Variants in NRIP3 observed in about 807,000 individuals in gnomAD.
NRIP3 encodes the protein nuclear receptor-interacting protein 3.
Under a neutral mutation model 29.0 loss-of-function variants are expected in NRIP3, and 31 were observed. The observed-to-expected ratio is 1.07, with a 90% CI of 0.80 to 1.44. The LOEUF (loss-of-function observed/expected upper bound fraction) is 1.44, where lower values mean the gene tolerates loss of function less well. Ranked by LOEUF, NRIP3 falls within the 40% of genes most tolerant of loss-of-function variation. NRIP3 has a pLI of 0.00. For missense variants in NRIP3, 314 were observed against 297.9 expected (o/e 1.05, Z -0.40); for synonymous variants, 131 against 118.3 (o/e 1.11, Z -0.70).
At chr11:9,002,620 G>GAAAAAAAAAAAAAAAAAA (rs1555232137) in intron 1 of NRIP3, among the ~76,000 whole-genome samples, 1 of 113,128 alleles carries the variant, frequency 8.8e-6, no homozygotes. Context: ...AAAAAAAAAG[G>GAAAAAAAAAAAAAAAAAA]AAATGGATGC....
intron 1 of NRIP3, among the ~76,000 whole-genome samples, chr11:8,988,795 C>T (rs927064835): frequency 6.6e-6 from 1 of 152,226 alleles, no homozygotes; most frequent in Non-Finnish European, 1.5e-5. Context: ...TCTTATCTTT[C>T]AGATGCAGCC....
At position 8,983,386 on chromosome 11, in the gene NRIP3, C is replaced by G; in HGVS notation, c.*159G>C. ...AAGATCTCTAAGCATAGACTATAGTCTAGAGAGGTCTGAATGGGAAGGAGC... is the reference window on the plus strand; with the variant it reads ...AAGATCTCTAAGCATAGACTATAGTGTAGAGAGGTCTGAATGGGAAGGAGC... On this transcript the variant is annotated 3_prime_UTR_variant, in exon 7 of 7. Transcript: ENST00000309166. The G allele has an allele frequency of 1.6e-6, 1 of 642,626 alleles. No individual in the cohort carries two copies. Among genetic ancestry groups the G allele is most frequent in the South Asian group, 2.0e-5 (1 of 50,874 alleles). 39.8% of individuals were successfully genotyped at this position (642,626 alleles called of 1,614,324 possible). A position where few individuals can be genotyped will look rare whatever the true frequency, so the allele number is the denominator to read the frequency against.
chr11:8,983,460 A>G lies in NRIP3; in HGVS notation c.*85T>C. The stretch of plus-strand genomic sequence containing the variant: ...AGGACTTGGTCCACAGCAAGTCACT[A>G]CGGCATTTGGTTCAAACCCAGTTTT... On this transcript the variant is annotated 3_prime_UTR_variant, in exon 7 of 7. Coordinates refer to ENST00000309166, the MANE Select transcript of NRIP3 (RefSeq NM_020645.3). The G allele has an allele frequency of 1.5e-6, 2 of 1,319,392 alleles. No homozygotes were observed. Among genetic ancestry groups the G allele is most frequent in the Non-Finnish European group, 2.2e-6 (2 of 929,212 alleles). The allele number at this position is 1,319,392 out of a possible 1,614,324, so 81.7% of individuals were successfully genotyped here. A position where few individuals can be genotyped will look rare whatever the true frequency, so the allele number is the denominator to read the frequency against.
At chr11:8,994,496 G>A (rs1854666751) in intron 1 of NRIP3, among the ~76,000 whole-genome samples, 2 of 152,152 alleles carry the variant, frequency 1.3e-5, no homozygotes, top group South Asian at 4.2e-4. Flanking sequence ...TGTAACTTAG[G>A]CAGGTATAAT....
Position 8,997,297 on chromosome 11 carries a change from C to G in NRIP3, c.174+6465G>C, listed in dbSNP as rs182311907. 2.5e-3 allele frequency among the ~76,000 whole-genome samples: 375 copies of G among 148,330 alleles called. 3 individuals carry two copies. Among genetic ancestry groups the G allele is most frequent in the Middle Eastern group, 7.1e-3 (2 of 282 alleles). ...GGCTGAGGCAGGAGAATCGCTTGAACCCGGGAGGCGGATCGCACCACTGCA... is the reference window on the plus strand; with the variant it reads ...GGCTGAGGCAGGAGAATCGCTTGAAGCCGGGAGGCGGATCGCACCACTGCA... On this transcript the variant is annotated intron_variant, in intron 1 of 6. Transcript: ENST00000309166.
intron 1 of NRIP3, among the ~76,000 whole-genome samples, chr11:8,992,874 TGCACTCCAGCCTGGGTGACACA>T (rs1397823647): frequency 6.6e-6 from 1 of 151,480 alleles, no homozygotes; most frequent in Non-Finnish European, 1.5e-5. Flanking sequence ...ATTGTGCCAC[TGCACTCCAGCCTGGGTGACACA>T]GCGAGACTCC....
At chr11:8,999,891 C>T (rs1330143596) in intron 1 of NRIP3, among the ~76,000 whole-genome samples, 1 of 152,178 alleles carries the variant, frequency 6.6e-6, no homozygotes, top group Non-Finnish European at 1.5e-5. Context: ...TCACTGCCTT[C>T]CCTATTCCCC....
intron 1 of NRIP3, among the ~76,000 whole-genome samples, chr11:8,994,620 C>T (rs946854578): frequency 2.0e-5 from 3 of 152,216 alleles, no homozygotes; most frequent in Non-Finnish European, 2.9e-5. Flanking sequence ...CATACCTTAA[C>T]TATTTACTAA....
At chr11:8,985,164 A>ATTTT (rs35528175) in intron 4 of NRIP3, among the ~76,000 whole-genome samples, 1 of 79,384 alleles carries the variant, frequency 1.3e-5, no homozygotes, top group African/African-American at 5.0e-5. Flanking sequence ...TGCTCCTTGA[A>ATTTT]TTTTTTTTTT....
chr11:8,986,262 T>C (rs996568764), intron 3 of NRIP3, among the ~76,000 whole-genome samples: 16 of 152,242 alleles, frequency 1.1e-4, no homozygotes, highest in African/African-American at 3.9e-4. Context: ...CAATGTGTAA[T>C]TTTCTCATTG....
chr11:8,987,113 C>T (rs780159941), intron 3 of NRIP3, among the ~76,000 whole-genome samples: 6 of 152,198 alleles, frequency 3.9e-5, no homozygotes, highest in Non-Finnish European at 8.8e-5. Flanking sequence ...ATGGATGTTT[C>T]TTGGGGACCT....
In NRIP3 at chr11:8,980,816, G is replaced by T. The variant is rs946755230; in HGVS notation, c.*2729C>A. The T allele has an allele frequency of 6.6e-6, 1 of 152,210 alleles. No homozygotes were observed. The highest frequency in any genetic ancestry group is 2.4e-5 in the African/African-American group (1 of 41,446). The allele number at this position is 152,210 out of a possible 1,614,324, so 9.4% of individuals were successfully genotyped here. A position where few individuals can be genotyped will look rare whatever the true frequency, so the allele number is the denominator to read the frequency against. On this transcript the variant is annotated 3_prime_UTR_variant, in exon 7 of 7. Transcript: ENST00000309166. The stretch of plus-strand genomic sequence containing the variant: ...ACTTTGAGCTAAGAAATAGAAAATT[G>T]TACCAGGTAGGGTCTGTGCAGGGCA...
chr11:8,987,658 A>G, intron 2 of NRIP3, 28 bp from the exon 3 acceptor site: 1 of 1,569,214 alleles, frequency 6.4e-7, no homozygotes, highest in Non-Finnish European at 8.8e-7. Context: ...ACTGTTCAAT[A>G]AGAGCCAGAG....
intron 1 of NRIP3, among the ~76,000 whole-genome samples, chr11:8,989,094 C>T (rs1483734886): frequency 6.6e-6 from 1 of 152,176 alleles, no homozygotes; most frequent in Non-Finnish European, 1.5e-5. Flanking sequence ...ACCTTATATG[C>T]ATGCCAGGAT....
At chr11:8,986,665 C>A (rs115771065) in intron 3 of NRIP3, among the ~76,000 whole-genome samples, 1 of 152,112 alleles carries the variant, frequency 6.6e-6, no homozygotes, top group Non-Finnish European at 1.5e-5. Flanking sequence ...AATTATGCAC[C>A]AGGACATTGT....
intron 1 of NRIP3, among the ~76,000 whole-genome samples, chr11:8,997,020 G>C (rs1854718725): frequency 6.6e-6 from 1 of 152,178 alleles, no homozygotes; most frequent in Non-Finnish European, 1.5e-5. Flanking sequence ...CAAGGCTGCA[G>C]TGAGCTATGA....
At chr11:8,989,053 A>T (rs1854559258) in intron 1 of NRIP3, among the ~76,000 whole-genome samples, 1 of 152,232 alleles carries the variant, frequency 6.6e-6, no homozygotes, top group Non-Finnish European at 1.5e-5. Context: ...AAGGGGAAAG[A>T]CACTGACCAA....
Position 9,003,240 on chromosome 11 carries a change from G to C in NRIP3, c.174+522C>G, listed in dbSNP as rs560620168. Among the ~76,000 whole-genome samples, 12 of 152,142 alleles carry C rather than the reference G, an allele frequency of 7.9e-5. 1 individual carries two copies. Among genetic ancestry groups the C allele is most frequent in the South Asian group, 6.2e-4 (3 of 4,820 alleles). On this transcript the variant is annotated intron_variant, in intron 1 of 6. Transcript: ENST00000309166. ...CTTTTCTCTCTCCCCACTCAGGATG[G>C]AAGGTCAAAGTTAGGACCAAAACTA... is the stretch of plus-strand genomic sequence containing the variant.
At chr11:8,999,592 CA>C (rs952621037) in intron 1 of NRIP3, among the ~76,000 whole-genome samples, 23 of 152,174 alleles carry the variant, frequency 1.5e-4, no homozygotes, top group African/African-American at 5.1e-4. Flanking sequence ...TTTAAAAAAC[CA>C]CCCAAATGCC....
Sources: gnomAD v4.1 joint callset for allele counts (sites outside exome capture counted in the v4.1 genomes callset) on GRCh38, gnomAD v4.1.1 for gene constraint, MANE v1.5 for transcripts, NCBI Gene and HGNC (gene_info 2026-07-23, HGNC 2026-07-21) for gene names.